PDE4B: variants seen among roughly 807,000 people sequenced by gnomAD.
PDE4B encodes phosphodiesterase 4B.
In PDE4B, 20 loss-of-function variants were observed where a neutral mutation model predicts 82.2. That is an observed-to-expected ratio of 0.24 (90% CI 0.17 to 0.35). PDE4B has a LOEUF of 0.35. Among genes scored for constraint, PDE4B ranks in the 10% least tolerant of loss-of-function variants. The probability of loss-of-function intolerance (pLI) is 1.00; values close to 1 mark genes in which losing one functional copy is unlikely to be tolerated. For missense variants in PDE4B, 655 were observed against 907.2 expected (o/e 0.72, Z 3.57); for synonymous variants, 320 against 318.9 (o/e 1.00, Z -0.04).
intron 3 of PDE4B, among the ~76,000 whole-genome samples, chr1:66,202,057 C>T (rs1649016982): frequency 6.6e-6 from 1 of 152,136 alleles, no homozygotes; most frequent in Non-Finnish European, 1.5e-5. Flanking sequence ...TCTTTGTTCT[C>T]ATTGGTTTCA....
intron 3 of PDE4B, among the ~76,000 whole-genome samples, chr1:66,143,260 A>C (rs1024974768): frequency 2.0e-5 from 3 of 152,240 alleles, no homozygotes; most frequent in Non-Finnish European, 2.9e-5. Flanking sequence ...TTTATACACC[A>C]AAATGCAGAA....
At chr1:66,213,208 T>A (rs1345337533) in intron 3 of PDE4B, among the ~76,000 whole-genome samples, 1 of 152,216 alleles carries the variant, frequency 6.6e-6, no homozygotes, top group Non-Finnish European at 1.5e-5. Context: ...AGTGGCATAA[T>A]GTGAATAATT....
intron 3 of PDE4B, among the ~76,000 whole-genome samples, chr1:66,101,926 GTATTGCC>G (rs1279718068): frequency 6.6e-6 from 1 of 152,124 alleles, no homozygotes; most frequent in Non-Finnish European, 1.5e-5. Context: ...GTCCTGAATG[GTATTGCC>G]TAAGTTTTCT....
At chr1:66,182,662 T>C (rs1442140130) in intron 3 of PDE4B, among the ~76,000 whole-genome samples, 3 of 152,018 alleles carry the variant, frequency 2.0e-5, no homozygotes, top group East Asian at 1.9e-4. Context: ...CTCAGTAGAG[T>C]TGGTGCATAG....
chr1:66,032,576 T>C (rs6588178), intron 3 of PDE4B, among the ~76,000 whole-genome samples: 33,130 of 151,994 alleles, frequency 0.22, 4,113 homozygotes, highest in Middle Eastern at 0.36. Context: ...AATCTTCCCA[T>C]GTGCAAATAG....
At chr1:65,924,342 G>A (rs1350358535) in intron 3 of PDE4B, among the ~76,000 whole-genome samples, 1 of 151,184 alleles carries the variant, frequency 6.6e-6, no homozygotes, top group African/African-American at 2.4e-5. Context: ...CCAAAGTGCT[G>A]GGATTACAGG....
intron 3 of PDE4B, among the ~76,000 whole-genome samples, chr1:66,092,833 A>G (rs1444876196): frequency 6.6e-6 from 1 of 152,026 alleles, no homozygotes; most frequent in Non-Finnish European, 1.5e-5. Flanking sequence ...GAGGAGCCCA[A>G]AGAAGCAGAG....
intron 3 of PDE4B, among the ~76,000 whole-genome samples, chr1:65,932,128 A>G (rs977790891): frequency 6.6e-6 from 1 of 151,614 alleles, no homozygotes; most frequent in Non-Finnish European, 1.5e-5. Flanking sequence ...TGGGGTACTT[A>G]TGGGACCTGG....
intron 8 of PDE4B, among the ~76,000 whole-genome samples, chr1:66,340,805 T>C (rs1169924137): frequency 2.0e-5 from 3 of 149,824 alleles, no homozygotes; most frequent in African/African-American, 7.6e-5. Context: ...AAAAGATAGA[T>C]TTTAAGTAGT....
At chr1:65,881,431 C>T (rs760186600) in intron 1 of PDE4B, among the ~76,000 whole-genome samples, 2 of 152,102 alleles carry the variant, frequency 1.3e-5, no homozygotes, top group South Asian at 2.1e-4. Context: ...CTAGCATCTC[C>T]GCCTGCCAGA....
At chr1:66,120,758 T>C (rs998875881) in intron 3 of PDE4B, among the ~76,000 whole-genome samples, 1 of 152,120 alleles carries the variant, frequency 6.6e-6, no homozygotes, top group Non-Finnish European at 1.5e-5. Flanking sequence ...CTCTCTATTT[T>C]TCCTTCACCA....
At chr1:66,355,331 T>G (rs1286083109) in intron 8 of PDE4B, 196 bp from the exon 9 acceptor site, 1 of 428,676 alleles carries the variant, frequency 2.3e-6, no homozygotes, top group African/African-American at 2.0e-5. Context: ...TAAGAAATCT[T>G]AAGAAAACCT....
chr1:66,302,967 G>A (rs906062147), intron 7 of PDE4B, among the ~76,000 whole-genome samples: 2 of 152,126 alleles, frequency 1.3e-5, no homozygotes, highest in Non-Finnish European at 2.9e-5. Flanking sequence ...CCAAGACCTT[G>A]CTAGATGCCC....
At position 66,281,318 on chromosome 1, in the gene PDE4B, A is replaced by C. The variant is rs78738651; in HGVS notation, c.634+15231A>C. Among the ~76,000 whole-genome samples the C allele has an allele frequency of 3.3e-3, 508 of 152,290 alleles. 2 individuals are homozygous for C. The highest frequency in any genetic ancestry group is 0.012 in the African/African-American group (480 of 41,558). On this transcript the variant is annotated intron_variant, in intron 7 of 16. Transcript: ENST00000341517. Reference sequence around the variant, plus strand: ...CAGGGAACAGTTTTTGGGAAATATTACCTTTTCTCCCTTCTGTGCTGCGAG... The same window carrying C: ...CAGGGAACAGTTTTTGGGAAATATTCCCTTTTCTCCCTTCTGTGCTGCGAG...
At chr1:66,186,235 T>C (rs530452052) in intron 3 of PDE4B, among the ~76,000 whole-genome samples, 3 of 152,362 alleles carry the variant, frequency 2.0e-5, no homozygotes, top group African/African-American at 7.2e-5. Flanking sequence ...TTGGTTACTG[T>C]AGCCTCATTG....
intron 3 of PDE4B, among the ~76,000 whole-genome samples, chr1:66,105,882 C>T (rs1267359576): frequency 1.3e-5 from 2 of 152,006 alleles, no homozygotes; most frequent in Non-Finnish European, 2.9e-5. Flanking sequence ...ATGTCATCTG[C>T]AAACAGGTAC....
At chr1:66,209,684 C>T (rs776774621) in intron 3 of PDE4B, among the ~76,000 whole-genome samples, 1 of 152,198 alleles carries the variant, frequency 6.6e-6, no homozygotes, top group Non-Finnish European at 1.5e-5. Context: ...TGCAGTCTCT[C>T]TTACTCCTTG....
intron 7 of PDE4B, among the ~76,000 whole-genome samples, chr1:66,284,746 G>A (rs1288278602): frequency 6.6e-6 from 1 of 152,186 alleles, no homozygotes; most frequent in African/African-American, 2.4e-5. Flanking sequence ...TAGGGGATTA[G>A]TGAAGAAAGG....
At chr1:65,868,647 G>T (rs1249648339) in intron 1 of PDE4B, among the ~76,000 whole-genome samples, 1 of 152,210 alleles carries the variant, frequency 6.6e-6, no homozygotes, top group African/African-American at 2.4e-5. Context: ...GGACTGTATA[G>T]CAGGGGGCCC....
Sources: allele counts gnomAD v4.1 joint callset (sites outside exome capture counted in the v4.1 genomes callset), GRCh38; gene constraint gnomAD v4.1.1; transcripts MANE v1.5; gene names NCBI Gene and HGNC (gene_info 2026-07-23, HGNC 2026-07-21).